SP100: variants seen among roughly 807,000 people sequenced by gnomAD.
The protein encoded by SP100 is nuclear autoantigen Sp-100.
A neutral mutation model predicts 130.0 loss-of-function variants in SP100; 84 were observed. The ratio of observed to expected loss-of-function variants is 0.65; its 90% CI spans 0.54 to 0.77. SP100 has a LOEUF of 0.77. Among genes scored for constraint, SP100 ranks in the 30% least tolerant of loss-of-function variants. The pLI, the probability that SP100 is intolerant of heterozygous loss-of-function variation, is 0.00. For missense variants in SP100, 978 were observed against 1,052.2 expected (o/e 0.93, Z 0.97); for synonymous variants, 331 against 351.7 (o/e 0.94, Z 0.66).
At chr2:230,441,186 A>G (rs2063454487) in intron 2 of SP100, among the ~76,000 whole-genome samples, 1 of 152,248 alleles carries the variant, frequency 6.6e-6, no homozygotes, top group Admixed American at 6.5e-5. Flanking sequence ...CAAAAAATAA[A>G]TTGCCAATTA....
intron 12 of SP100, 102 bp downstream of exon 12, chr2:230,466,456 A>G (rs1384171610): frequency 1.3e-5 from 9 of 690,666 alleles, no homozygotes; most frequent in Admixed American, 5.1e-5. Context: ...ATTCCTTGCT[A>G]TATCCTTCAA....
chr2:230,530,331 A>G (rs900682166), intron 24 of SP100, among the ~76,000 whole-genome samples: 2 of 152,246 alleles, frequency 1.3e-5, no homozygotes, highest in Non-Finnish European at 2.9e-5. Flanking sequence ...AAATGGGGAA[A>G]GGATTTCCTA....
chr2:230,486,584 A>G (rs6740413), intron 17 of SP100, among the ~76,000 whole-genome samples: 24,995 of 152,214 alleles, frequency 0.16, 2,470 homozygotes, highest in Non-Finnish European at 0.23. Context: ...ATTGTTGGGC[A>G]TCTGGTTTGG....
At chr2:230,473,190 GAA>G in intron 15 of SP100, 132 bp from the exon 16 acceptor site, 1 of 585,812 alleles carries the variant, frequency 1.7e-6, no homozygotes, top group Non-Finnish European at 3.1e-6. Flanking sequence ...AACCACAAAA[GAA>G]AAAGAGATTT....
intron 24 of SP100, 125 bp from the exon 25 acceptor site, chr2:230,539,142 C>G: frequency 1.6e-6 from 1 of 618,058 alleles, no homozygotes; most frequent in East Asian, 2.7e-5. Flanking sequence ...GAGATCTCCA[C>G]TCAGCAATCT....
chr2:230,435,078 T>C (rs1037129290), intron 2 of SP100, among the ~76,000 whole-genome samples: 1 of 152,180 alleles, frequency 6.6e-6, no homozygotes, highest in Non-Finnish European at 1.5e-5. Flanking sequence ...ATTTAGTAGA[T>C]GTTGCCACAT....
chr2:230,466,346 AGAAAAGAGGTAAGAGAAAGCTTTAG>A lies in SP100; in HGVS notation c.1195+11_1195+35del. The A allele has an allele frequency of 1.3e-6, 2 of 1,552,678 alleles. No homozygotes were observed. The highest frequency in any genetic ancestry group is 1.8e-6 in the Non-Finnish European group (2 of 1,124,810). On this transcript the variant is annotated splice_donor_variant and splice_donor_5th_base_variant and coding_sequence_variant and intron_variant, in exon 12 of 29. Transcript: ENST00000340126. LOFTEE classifies it high-confidence loss of function. ...TTATCTACATTCAGAGAAAGTTTTAAGAAAAGAGGTAAGAGAAAGCTTTAGGAAAAGAGGTAAGAGAAAATAACTT... is the reference window on the plus strand; with the variant it reads ...TTATCTACATTCAGAGAAAGTTTTAAGAAAAGAGGTAAGAGAAAATAACTT...
intron 17 of SP100, among the ~76,000 whole-genome samples, chr2:230,480,350 CAAAGA>C (rs2065773908): frequency 6.6e-6 from 1 of 151,892 alleles, no homozygotes; most frequent in East Asian, 1.9e-4. Context: ...TTAAAGCAAG[CAAAGA>C]AAAAACATTA....
At chr2:230,477,709 T>C (rs753510715) in intron 17 of SP100, among the ~76,000 whole-genome samples, 7 of 152,122 alleles carry the variant, frequency 4.6e-5, no homozygotes, top group Non-Finnish European at 8.8e-5. Context: ...TTGGGGTGAA[T>C]TTTAGAATGA....
At chr2:230,473,647 A>C (rs1174850751) in intron 16 of SP100, among the ~76,000 whole-genome samples, 5 of 152,224 alleles carry the variant, frequency 3.3e-5, no homozygotes, top group African/African-American at 1.2e-4. Flanking sequence ...GACTGTGAGC[A>C]GACTGTGACA....
intron 24 of SP100, among the ~76,000 whole-genome samples, chr2:230,535,952 A>G (rs1575818443): frequency 6.8e-6 from 1 of 146,662 alleles, no homozygotes; most frequent in Non-Finnish European, 1.5e-5. Context: ...GTTTTCTTTT[A>G]TAATGAGACA....
intron 24 of SP100, among the ~76,000 whole-genome samples, chr2:230,535,930 A>G (rs1467585928): frequency 6.6e-6 from 1 of 151,340 alleles, no homozygotes; most frequent in Non-Finnish European, 1.5e-5. Flanking sequence ...AAAAAAAAAA[A>G]AAAAAGAATA....
At chr2:230,501,635 C>G (rs564821845) in intron 19 of SP100, among the ~76,000 whole-genome samples, 1 of 145,520 alleles carries the variant, frequency 6.9e-6, no homozygotes, top group African/African-American at 2.4e-5. Context: ...AAGGAAGGAG[C>G]ATTCACAATT....
chr2:230,532,459 T>G (rs1691743873), intron 24 of SP100, among the ~76,000 whole-genome samples: 1 of 152,102 alleles, frequency 6.6e-6, no homozygotes, highest in African/African-American at 2.4e-5. Context: ...TTATACTAAT[T>G]GGGATTTCTC....
chr2:230,510,528 T>A (rs1690503650), intron 23 of SP100: 1 of 111,996 alleles, frequency 8.9e-6, no homozygotes, highest in African/African-American at 3.8e-5. Flanking sequence ...TTTTTTTTTT[T>A]TTTTACAGAG....
intron 18 of SP100, among the ~76,000 whole-genome samples, chr2:230,495,311 G>A (rs2066606337): frequency 1.3e-5 from 2 of 151,916 alleles, no homozygotes; most frequent in Non-Finnish European, 1.5e-5. Context: ...TGAGAAACAC[G>A]GGGTTATTTT....
rs560530262 is a variant in SP100, at chr2:230,478,249, T to TA, written c.1600+3806dup. Among the ~76,000 whole-genome samples, 496 of 152,312 alleles carry TA rather than the reference T, an allele frequency of 3.3e-3. 4 individuals are homozygous for TA. The highest frequency in any genetic ancestry group is 0.011 in the African/African-American group (460 of 41,580). ...GAATCAGAATGCCACTTAGTTAATA[T>TA]AAAATTTTACAAGCATTTATAAGTT... On this transcript the variant is annotated intron_variant, in intron 17 of 28. Transcript: ENST00000340126.
chr2:230,464,205 A>C, intron 11 of SP100, 55 bp downstream of exon 11: 1 of 1,090,160 alleles, frequency 9.2e-7, no homozygotes, highest in South Asian at 1.3e-5. Context: ...GTACAAATCC[A>C]GAGCTCTGTT....
intron 17 of SP100, among the ~76,000 whole-genome samples, chr2:230,479,153 T>C (rs558038224): frequency 6.6e-5 from 10 of 152,294 alleles, no homozygotes; most frequent in African/African-American, 2.4e-4. Flanking sequence ...ACTACAGCTC[T>C]CCCACATTCT....
Sources: allele counts gnomAD v4.1 joint callset (sites outside exome capture counted in the v4.1 genomes callset), GRCh38; gene constraint gnomAD v4.1.1; transcripts MANE v1.5; gene names NCBI Gene and HGNC (gene_info 2026-07-23, HGNC 2026-07-21).